The following PALS2 variants were observed in gnomAD, a reference collection of about 807,000 sequenced individuals.
PALS2 encodes the protein protein PALS2.
Under a neutral mutation model 61.6 loss-of-function variants are expected in PALS2, and 27 were observed. That is an observed-to-expected ratio of 0.44 (90% CI 0.32 to 0.60). The LOEUF is 0.60. Ranked by LOEUF, PALS2 falls within the 20% of genes least tolerant of loss-of-function variation. PALS2 has a pLI of 0.05. For synonymous variants in PALS2, 236 were observed against 218.6 expected, an observed-to-expected ratio of 1.08 and a Z score of -0.70; for missense variants, 554 against 639.4, an observed-to-expected ratio of 0.87 and a Z score of 1.44.
At chr7:24,643,180 A>G (rs1413529885) in intron 3 of PALS2, among the ~76,000 whole-genome samples, 2 of 152,160 alleles carry the variant, frequency 1.3e-5, no homozygotes, top group East Asian at 3.8e-4. Context: ...TTTTGGACAT[A>G]CTTATGTTAA....
At chr7:24,630,696 C>G (rs1784961010) in intron 2 of PALS2, among the ~76,000 whole-genome samples, 1 of 152,154 alleles carries the variant, frequency 6.6e-6, no homozygotes, top group South Asian at 2.1e-4. Context: ...GCTTATGCAG[C>G]TGATGACTTT....
intron 1 of PALS2, among the ~76,000 whole-genome samples, chr7:24,611,610 T>A (rs1445139791): frequency 6.6e-6 from 1 of 151,998 alleles, no homozygotes; most frequent in African/African-American, 2.4e-5. Flanking sequence ...TACCAAAAAA[T>A]TTAATTATAT....
At chr7:24,582,455 T>C (rs1782881494) in intron 1 of PALS2, among the ~76,000 whole-genome samples, 1 of 152,212 alleles carries the variant, frequency 6.6e-6, no homozygotes, top group East Asian at 1.9e-4. Flanking sequence ...TGGCAGAGTT[T>C]ATAAATAATC....
intron 7 of PALS2, 63 bp from the exon 8 acceptor site, chr7:24,665,958 A>G (rs2128087751): frequency 8.2e-6 from 12 of 1,467,040 alleles, no homozygotes; most frequent in Admixed American, 3.6e-5. Flanking sequence ...GTAAAATACT[A>G]TAGGGCAATT....
chr7:24,624,605 CT>C lies in PALS2; in HGVS notation c.117+840del, dbSNP rs368160704. On this transcript the variant is annotated intron_variant, in intron 2 of 11. Coordinates refer to ENST00000222644, the MANE Select transcript of PALS2 (RefSeq NM_001303037.2). Reference sequence around the variant, plus strand: ...GAGTGAATTAATGATGCAGATTCTTCTTTTTTTTTTTTTTTTTTTGAGAGGA... The same window carrying C: ...GAGTGAATTAATGATGCAGATTCTTCTTTTTTTTTTTTTTTTTTGAGAGGA... Among the ~76,000 whole-genome samples the C allele has an allele frequency of 3.1e-3, 271 of 86,354 alleles. 2 individuals are homozygous for C. The highest frequency in any genetic ancestry group is 0.014 in the Middle Eastern group (2 of 148). The allele number at this position is 86,354 out of a possible 152,430, so 56.7% of individuals were successfully genotyped here. A position where few individuals can be genotyped will look rare whatever the true frequency, so the allele number is the denominator to read the frequency against.
chr7:24,652,143 G>A (rs1017744265), intron 5 of PALS2, among the ~76,000 whole-genome samples: 5 of 152,064 alleles, frequency 3.3e-5, no homozygotes, highest in South Asian at 2.1e-4. Flanking sequence ...TTGGACCTGC[G>A]TACGCTGGAA....
At chr7:24,640,285 G>T (rs867509454) in intron 2 of PALS2, among the ~76,000 whole-genome samples, 3 of 150,484 alleles carry the variant, frequency 2.0e-5, no homozygotes, top group African/African-American at 7.3e-5. Context: ...TTAATATATA[G>T]CTTTCTTTTC....
intron 1 of PALS2, among the ~76,000 whole-genome samples, chr7:24,619,523 C>G (rs1297618327): frequency 2.0e-5 from 3 of 152,002 alleles, no homozygotes; most frequent in African/African-American, 7.2e-5. Context: ...GGAGACCATC[C>G]TGGCTAACAC....
chr7:24,590,254 C>G (rs1783232269), intron 1 of PALS2, among the ~76,000 whole-genome samples: 1 of 152,138 alleles, frequency 6.6e-6, no homozygotes, highest in South Asian at 2.1e-4. Flanking sequence ...TCCTGATAGT[C>G]TTACTTTCTT....
At chr7:24,676,472 A>T (rs1005587913) in intron 9 of PALS2, among the ~76,000 whole-genome samples, 1 of 151,990 alleles carries the variant, frequency 6.6e-6, no homozygotes, top group Non-Finnish European at 1.5e-5. Context: ...CTGAATGGTA[A>T]CGCCTAGGTT....
chr7:24,643,094 A>G (rs561446825), intron 3 of PALS2, among the ~76,000 whole-genome samples: 1 of 152,124 alleles, frequency 6.6e-6, no homozygotes, highest in Non-Finnish European at 1.5e-5. Context: ...TAGAAGAGAG[A>G]TGTGGGAAGT....
At chr7:24,605,107 A>C (rs1205505681) in intron 1 of PALS2, among the ~76,000 whole-genome samples, 3 of 152,224 alleles carry the variant, frequency 2.0e-5, no homozygotes, top group African/African-American at 7.2e-5. Flanking sequence ...GGGAACTGCC[A>C]ATCTCTTCAT....
chr7:24,579,015 G>C (rs1194307499), intron 1 of PALS2, among the ~76,000 whole-genome samples: 1 of 152,176 alleles, frequency 6.6e-6, no homozygotes, highest in Non-Finnish European at 1.5e-5. Flanking sequence ...GGAGGAACTG[G>C]TAGAAATATT....
chr7:24,661,879 A>G (rs1786738824), intron 5 of PALS2, among the ~76,000 whole-genome samples: 1 of 152,204 alleles, frequency 6.6e-6, no homozygotes, highest in Non-Finnish European at 1.5e-5. Context: ...CACACATCCC[A>G]TCAGGTATGC....
At chr7:24,584,339 T>G (rs1751869353) in intron 1 of PALS2, among the ~76,000 whole-genome samples, 2 of 149,006 alleles carry the variant, frequency 1.3e-5, no homozygotes, top group Admixed American at 6.7e-5. Context: ...TCCTGACTTT[T>G]TAATGATTGC....
At position 24,693,372 on chromosome 7, in the gene PALS2, A is replaced by T. The variant is rs1312620450; in HGVS notation, c.*5758A>T. ...GGCTCTCCTCCTATCAAAGTAGCCT[A>T]GGAGCTTGGAGGAAGCCTAATTAAC... On this transcript the variant is annotated 3_prime_UTR_variant, in exon 12 of 12. Coordinates refer to ENST00000222644, the MANE Select transcript of PALS2 (RefSeq NM_001303037.2). 2 of 152,200 alleles carry T rather than the reference A, an allele frequency of 1.3e-5. No homozygotes were observed. Among genetic ancestry groups the T allele is most frequent in the Non-Finnish European group, 2.9e-5 (2 of 68,008 alleles). 9.4% of individuals were successfully genotyped at this position (152,200 alleles called of 1,614,324 possible). A position where few individuals can be genotyped will look rare whatever the true frequency, so the allele number is the denominator to read the frequency against.
At chr7:24,622,480 T>C (rs1344894210) in intron 1 of PALS2, among the ~76,000 whole-genome samples, 1 of 151,944 alleles carries the variant, frequency 6.6e-6, no homozygotes, top group Non-Finnish European at 1.5e-5. Flanking sequence ...TTGTCACCAG[T>C]GTATAGAAAT....
At chr7:24,675,227 G>A (rs916573630) in intron 9 of PALS2, among the ~76,000 whole-genome samples, 39 of 151,924 alleles carry the variant, frequency 2.6e-4, no homozygotes, top group African/African-American at 7.5e-4. Context: ...TTCAAGCAGC[G>A]CATTCCCCTA....
chr7:24,660,214 AT>A (rs770583261), intron 5 of PALS2, among the ~76,000 whole-genome samples: 25 of 152,002 alleles, frequency 1.6e-4, no homozygotes, highest in Non-Finnish European at 2.6e-4. Context: ...TTACCTTAAA[AT>A]TTTAATTTTT....
Sources: allele counts gnomAD v4.1 joint callset (sites outside exome capture counted in the v4.1 genomes callset), GRCh38; gene constraint gnomAD v4.1.1; transcripts MANE v1.5; gene names NCBI Gene and HGNC (gene_info 2026-07-23, HGNC 2026-07-21).